The following FNIP2 variants were observed in gnomAD, a reference collection of about 807,000 sequenced individuals.
FNIP2 encodes the protein folliculin interacting protein 2, also known as folliculin-interacting protein 2.
FNIP2 carries 32 observed loss-of-function variants against 108.7 expected under a neutral mutation model. That is an observed-to-expected ratio of 0.29 (90% CI 0.22 to 0.40). The LOEUF (loss-of-function observed/expected upper bound fraction) is 0.40, where lower values mean the gene tolerates loss of function less well. FNIP2 is among the 10% of genes least tolerant of loss of function. FNIP2 has a pLI of 1.00. For synonymous variants in FNIP2, 480 were observed against 496.7 expected (o/e 0.97, Z 0.45); for missense variants, 1,202 against 1,381.6 (o/e 0.87, Z 2.06).
intron 1 of FNIP2, among the ~76,000 whole-genome samples, chr4:158,777,941 C>T (rs747878577): frequency 2.6e-5 from 4 of 152,112 alleles, no homozygotes; most frequent in African/African-American, 4.8e-5. Flanking sequence ...CAGTTTCTTT[C>T]GTATCCTTTT....
At chr4:158,862,370 A>G (rs535009350) in intron 12 of FNIP2, among the ~76,000 whole-genome samples, 1 of 152,324 alleles carries the variant, frequency 6.6e-6, no homozygotes, top group East Asian at 1.9e-4. Flanking sequence ...TTTTGTAACA[A>G]TACAGATGTT....
intron 14 of FNIP2, among the ~76,000 whole-genome samples, chr4:158,875,539 T>TATGC (rs1560823642): frequency 2.8e-5 from 4 of 144,164 alleles, no homozygotes; most frequent in African/African-American, 1.1e-4. Context: ...TATATATATA[T>TATGC]ATGCTCATGA....
intron 3 of FNIP2, among the ~76,000 whole-genome samples, chr4:158,830,727 G>A (rs1264786633): frequency 1.3e-5 from 2 of 152,206 alleles, no homozygotes; most frequent in Non-Finnish European, 2.9e-5. Flanking sequence ...TTCCTTGGGT[G>A]GAAAGCACAC....
chr4:158,849,103 T>TA (rs1400100150), intron 7 of FNIP2, among the ~76,000 whole-genome samples: 2 of 152,200 alleles, frequency 1.3e-5, no homozygotes, highest in East Asian at 1.9e-4. Context: ...TTAAGGGTCT[T>TA]ACGATCTACT....
chr4:158,849,094 T>G (rs1018109236), intron 7 of FNIP2, among the ~76,000 whole-genome samples: 2 of 152,196 alleles, frequency 1.3e-5, no homozygotes, highest in African/African-American at 4.8e-5. Context: ...CTTCTGGAAT[T>G]AAGGGTCTTA....
At chr4:158,850,434 G>C (rs1214296303) in intron 7 of FNIP2, among the ~76,000 whole-genome samples, 1 of 151,760 alleles carries the variant, frequency 6.6e-6, no homozygotes, top group Admixed American at 6.6e-5. Flanking sequence ...CTACCTGAGA[G>C]GGACTAGTCC....
intron 1 of FNIP2, among the ~76,000 whole-genome samples, chr4:158,784,283 T>C (rs1776145153): frequency 6.6e-6 from 1 of 152,218 alleles, no homozygotes; most frequent in African/African-American, 2.4e-5. Context: ...CTGTTCCTTC[T>C]TCCAAACTCG....
In FNIP2 at chr4:158,868,921, A is replaced by T. The variant is rs1414145142; in HGVS notation, c.2285A>T (p.Gln762Leu). Residue 762 changes from glutamine (Q) to leucine (L), a missense_variant, in exon 13 of 17, where the codon CAG becomes CTG. Around this residue, in one of 5 missense-constraint regions of FNIP2, gnomAD observed 878 missense variants for 990.3 expected, o/e 0.89. Transcript: ENST00000264433. This position sits in a 1 kb window ranked among gnomAD's most constrained non-coding sequence, Gnocchi z 4.6. ...SEAADVAQDP[Q>L]VSRSPFKPGF... ...GCTGCTGATGTGGCTCAGGACCCGC[A>T]GGTTTCTAGGAGCCCTTTTAAACCT... The T allele has an allele frequency of 2.5e-6, 4 of 1,613,808 alleles. No homozygotes were observed. The highest frequency in any genetic ancestry group is 1.7e-5 in the Admixed American group (1 of 60,010).
chr4:158,774,415 A>G (rs1240646199), intron 1 of FNIP2, among the ~76,000 whole-genome samples: 1 of 152,224 alleles, frequency 6.6e-6, no homozygotes, highest in African/African-American at 2.4e-5. Flanking sequence ...ACTATTTAAG[A>G]TAACTTAAAT....
chr4:158,821,033 T>C (rs1373236738), intron 1 of FNIP2, among the ~76,000 whole-genome samples: 3 of 152,218 alleles, frequency 2.0e-5, no homozygotes, highest in Admixed American at 6.5e-5. Context: ...TGAACTAGTG[T>C]CTGTCATGTT....
chr4:158,769,920 G>T (rs150941652), intron 1 of FNIP2, among the ~76,000 whole-genome samples: 505 of 152,296 alleles, frequency 3.3e-3, no homozygotes, highest in Middle Eastern at 0.017. Context: ...GATTTCAATT[G>T]ATCAAAGCTG....
chr4:158,839,099 C>T (rs952673923), intron 7 of FNIP2, among the ~76,000 whole-genome samples: 1 of 152,086 alleles, frequency 6.6e-6, no homozygotes, highest in East Asian at 1.9e-4. Context: ...GTCAGTTTCT[C>T]CACTGTAAAG....
At chr4:158,833,883 C>A in intron 6 of FNIP2, 1 of 1,427,932 alleles carries the variant, frequency 7.0e-7, no homozygotes, top group Non-Finnish European at 9.2e-7. Flanking sequence ...GTGCTTCTTT[C>A]TTTGCAGGTT....
At position 158,861,600 on chromosome 4, in the gene FNIP2, C is replaced by T; in HGVS notation, c.1296-7C>T. ...AAGTTGGTTGTATCTTTTTCCATTT[C>T]TCCAAGGTTTTTTGCTGCCTTACTG... On this transcript the variant is annotated splice_region_variant and splice_polypyrimidine_tract_variant and intron_variant, in intron 11 of 16. Transcript: ENST00000264433. 6.2e-7 allele frequency: 1 copy of T among 1,613,940 alleles called. No homozygotes were observed. Among genetic ancestry groups the T allele is most frequent in the Non-Finnish European group, 8.5e-7 (1 of 1,179,858 alleles).
chr4:158,855,386 A>AGTT (rs1779928174), intron 8 of FNIP2, among the ~76,000 whole-genome samples: 1 of 151,820 alleles, frequency 6.6e-6, no homozygotes, highest in South Asian at 2.1e-4. Context: ...CCCTTAATAG[A>AGTT]GTACTGCTGA....
chr4:158,800,339 G>A (rs1776720150), intron 1 of FNIP2, among the ~76,000 whole-genome samples: 1 of 152,172 alleles, frequency 6.6e-6, no homozygotes. Context: ...TACTTTAAGA[G>A]GGTAATGGCT....
intron 2 of FNIP2, 129 bp downstream of exon 2, chr4:158,826,171 C>A: frequency 7.9e-7 from 1 of 1,266,482 alleles, no homozygotes. Flanking sequence ...TCAGAAGAAA[C>A]ATAAGCAAGC....
intron 6 of FNIP2, chr4:158,835,160 T>C (rs1168700738): frequency 4.8e-6 from 1 of 206,592 alleles, no homozygotes; most frequent in East Asian, 1.1e-4. Flanking sequence ...TGAACATCAC[T>C]CAGAAAAGTT....
rs1257484086 is a variant in FNIP2 at position 158,869,095 on chromosome 4, G to A, written c.2459G>A (p.Gly820Asp). 1 of 1,614,034 alleles carries A rather than the reference G, an allele frequency of 6.2e-7. No individual in the cohort carries two copies. Among genetic ancestry groups the A allele is most frequent in the Admixed American group, 1.7e-5 (1 of 60,026 alleles). ...AGQLSHAADLGTASHGAGGTG... is the reference protein window; with the variant it reads ...AGQLSHAADLDTASHGAGGTG... ...CAGCTCAGCCACGCTGCTGACTTGG[G>A]CACAGCCTCCCACGGTGCAGGAGGA... The change falls in exon 13 of 17, where the codon GGC (glycine) becomes GAC (aspartate). Residue 820 changes from glycine (G) to aspartate (D), a missense_variant. By Grantham distance (94) the Gly-to-Asp change is moderately conservative. This residue lies in a region of FNIP2 where 878 missense variants were observed against 990.3 expected (regional missense o/e 0.89). Coordinates refer to ENST00000264433, the MANE Select transcript of FNIP2 (RefSeq NM_020840.3).
Sources: gnomAD v4.1 joint callset for allele counts (sites outside exome capture counted in the v4.1 genomes callset) on GRCh38, gnomAD v4.1.1 for gene constraint, gnomAD v4.1.1 regional missense constraint, Gnocchi (gnomAD v3.1) non-coding constraint, MANE v1.5 for transcripts, NCBI Gene and HGNC (gene_info 2026-07-23, HGNC 2026-07-21) for gene names.